ZNF804A: variants seen among roughly 807,000 people sequenced by gnomAD.
The protein encoded by ZNF804A is zinc finger protein 804A.
Under a neutral mutation model 16.5 loss-of-function variants are expected in ZNF804A, and 2 were observed. That is an observed-to-expected ratio of 0.12 (90% CI 0.05 to 0.38). The LOEUF (loss-of-function observed/expected upper bound fraction) is 0.38, where lower values mean the gene tolerates loss of function less well. Ranked by LOEUF, ZNF804A falls within the 10% of genes least tolerant of loss-of-function variation. The pLI is 0.99. For missense variants in ZNF804A, 1,473 were observed against 1,390.7 expected, an observed-to-expected ratio of 1.06 and a Z score of -0.94; for synonymous variants, 534 against 489.6, an observed-to-expected ratio of 1.09 and a Z score of -1.20.
At chr2:184,902,256 T>C (rs1275175247) in intron 2 of ZNF804A, 2 of 162,062 alleles carry the variant, frequency 1.2e-5, no homozygotes, top group Non-Finnish European at 2.7e-5. Flanking sequence ...TTTGATCTTG[T>C]GCTTGTTGGC....
intron 1 of ZNF804A, among the ~76,000 whole-genome samples, chr2:184,678,566 G>T (rs922668165): frequency 5.3e-5 from 8 of 152,012 alleles, no homozygotes; most frequent in African/African-American, 1.9e-4. Flanking sequence ...CCTGATTTGG[G>T]GACAGATTGA....
chr2:184,808,746 A>T (rs1694848919), intron 1 of ZNF804A, among the ~76,000 whole-genome samples: 1 of 151,710 alleles, frequency 6.6e-6, no homozygotes, highest in African/African-American at 2.4e-5. Context: ...CCAGAGGTAA[A>T]AACAGAATTT....
chr2:184,858,391 G>C (rs1313835889), intron 1 of ZNF804A, among the ~76,000 whole-genome samples: 2 of 151,304 alleles, frequency 1.3e-5, no homozygotes. Flanking sequence ...GTAATTCCAG[G>C]CACTCGGGAG....
chr2:184,898,560 T>C (rs1685126506), intron 2 of ZNF804A, among the ~76,000 whole-genome samples: 1 of 152,094 alleles, frequency 6.6e-6, no homozygotes, highest in Admixed American at 6.6e-5. Flanking sequence ...TATAAGAAAT[T>C]GTTATAGATA....
At chr2:184,775,547 A>G (rs1482116528) in intron 1 of ZNF804A, among the ~76,000 whole-genome samples, 1 of 151,742 alleles carries the variant, frequency 6.6e-6, no homozygotes, top group Non-Finnish European at 1.5e-5. Flanking sequence ...ATGTCATATC[A>G]TCATGAACTC....
At chr2:184,757,273 A>C (rs1351837332) in intron 1 of ZNF804A, among the ~76,000 whole-genome samples, 1 of 152,032 alleles carries the variant, frequency 6.6e-6, no homozygotes, top group Non-Finnish European at 1.5e-5. Context: ...TGTTCCATGA[A>C]TCAAAAGGGA....
At chr2:184,794,571 A>G (rs138546070) in intron 1 of ZNF804A, among the ~76,000 whole-genome samples, 139 of 152,164 alleles carry the variant, frequency 9.1e-4, no homozygotes, top group Admixed American at 9.2e-4. Context: ...TACCTATAGA[A>G]CAAAAATACT....
At chr2:184,810,094 C>A (rs1469543214) in intron 1 of ZNF804A, among the ~76,000 whole-genome samples, 1 of 152,156 alleles carries the variant, frequency 6.6e-6, no homozygotes, top group African/African-American at 2.4e-5. Context: ...GTCTGAAATA[C>A]TGGTGAAAAA....
chr2:184,912,765 CTATT>C (rs1384140890), intron 2 of ZNF804A, among the ~76,000 whole-genome samples: 1 of 152,040 alleles, frequency 6.6e-6, no homozygotes, highest in Non-Finnish European at 1.5e-5. Flanking sequence ...GGAGAAATGT[CTATT>C]TAAGTCTTTT....
rs749727025 is a variant in ZNF804A at position 184,937,526 on chromosome 2, T to G, written c.2130T>G (p.His710Gln). 2.2e-5 allele frequency: 36 copies of G among 1,612,386 alleles called. No individual in the cohort carries two copies. The highest frequency in any genetic ancestry group is 2.9e-5 in the Non-Finnish European group (34 of 1,179,514). The change falls in exon 4 of 4, where the codon CAT (histidine) becomes CAG (glutamine). Residue 710 changes from histidine (H) to glutamine (Q), a missense_variant. By Grantham distance (24) the His-to-Gln change is conservative. Transcript: ENST00000302277. The stretch of plus-strand genomic sequence containing the variant: ...GACAATCAAATGCAACAATGATACA[T>G]TCTGGGAAACATAATTTAACATATT... ...LNGQSNATMIHSGKHNLTYSR... is the reference protein window; with the variant it reads ...LNGQSNATMIQSGKHNLTYSR...
In ZNF804A at chr2:184,659,570, G is replaced by A. The variant is rs553734107; in HGVS notation, c.111+60500G>A. On this transcript the variant is annotated intron_variant, in intron 1 of 3. Coordinates refer to ENST00000302277, the MANE Select transcript of ZNF804A (RefSeq NM_194250.2). ...CATTATGATATAGATATTATTTTCA[G>A]TTTATCAAAATTGTAAAAACCCACA... Among the ~76,000 whole-genome samples, 5 of 151,850 alleles carry A rather than the reference G, an allele frequency of 3.3e-5. No individual in the cohort carries two copies. The South Asian group carries it at 8.3e-4, about 25-fold the overall frequency.
At chr2:184,616,894 G>T (rs13414376) in intron 1 of ZNF804A, among the ~76,000 whole-genome samples, 4,917 of 152,076 alleles carry the variant, frequency 0.032, 273 homozygotes, top group African/African-American at 0.11. Flanking sequence ...TGCTGTTCTA[G>T]GCTAAAATAC....
At chr2:184,844,737 G>C (rs548583113) in intron 1 of ZNF804A, among the ~76,000 whole-genome samples, 1 of 151,654 alleles carries the variant, frequency 6.6e-6, no homozygotes, top group Non-Finnish European at 1.5e-5. Context: ...AAACTTCCTG[G>C]ATCTATGGTT....
At chr2:184,867,232 C>T (rs1309977481) in intron 2 of ZNF804A, among the ~76,000 whole-genome samples, 1 of 151,928 alleles carries the variant, frequency 6.6e-6, no homozygotes, top group African/African-American at 2.4e-5. Flanking sequence ...ACCAATGCAA[C>T]TTCATTCATT....
chr2:184,676,016 T>C (rs1692423447), intron 1 of ZNF804A, among the ~76,000 whole-genome samples: 1 of 151,754 alleles, frequency 6.6e-6, no homozygotes, highest in Non-Finnish European at 1.5e-5. Context: ...AGGGATAATA[T>C]GTATATTTAT....
At chr2:184,731,806 C>G (rs1049408699) in intron 1 of ZNF804A, among the ~76,000 whole-genome samples, 5 of 151,916 alleles carry the variant, frequency 3.3e-5, no homozygotes, top group African/African-American at 4.8e-5. Flanking sequence ...AACTTTTGGT[C>G]CCAAATGATT....
chr2:184,677,786 G>A (rs997820730), intron 1 of ZNF804A, among the ~76,000 whole-genome samples: 20 of 152,020 alleles, frequency 1.3e-4, no homozygotes, highest in Admixed American at 1.2e-3. Flanking sequence ...TCAACTTTGA[G>A]CTCTCTTTAA....
intron 1 of ZNF804A, among the ~76,000 whole-genome samples, chr2:184,708,668 G>A (rs933801474): frequency 6.6e-6 from 1 of 151,884 alleles, no homozygotes; most frequent in African/African-American, 2.4e-5. Context: ...ACTCAAGATG[G>A]GAAATTCTAT....
intron 1 of ZNF804A, among the ~76,000 whole-genome samples, chr2:184,809,673 T>A (rs1042739631): frequency 6.6e-6 from 1 of 151,906 alleles, no homozygotes; most frequent in Admixed American, 6.6e-5. Context: ...ATAGTCACTA[T>A]GAGTGTTGGC....
Sources: gnomAD v4.1 joint callset for allele counts (sites outside exome capture counted in the v4.1 genomes callset) on GRCh38, gnomAD v4.1.1 for gene constraint, MANE v1.5 for transcripts, NCBI Gene and HGNC (gene_info 2026-07-23, HGNC 2026-07-21) for gene names.